CKMT2: variants seen among roughly 807,000 people sequenced by gnomAD.
The protein encoded by CKMT2 is creatine kinase S-type, mitochondrial.
CKMT2 carries 43 observed loss-of-function variants against 48.9 expected under a neutral mutation model. That is an observed-to-expected ratio of 0.88 (90% confidence interval 0.69 to 1.13). CKMT2 has a LOEUF of 1.13. Among genes scored for constraint, CKMT2 ranks in the 50% most tolerant of loss-of-function variants. The pLI is 0.00. For missense variants in CKMT2, 472 were observed against 555.4 expected, an observed-to-expected ratio of 0.85 and a Z score of 1.51; for synonymous variants, 206 against 213.0, an observed-to-expected ratio of 0.97 and a Z score of 0.29.
In CKMT2 at chr5:81,263,620, A is replaced by G. The variant is rs1433974947; in HGVS notation, c.1140+4A>G. 1 of 1,609,264 alleles carries G rather than the reference A, an allele frequency of 6.2e-7. No individual in the cohort carries two copies. Among genetic ancestry groups the G allele is most frequent in the Admixed American group, 1.7e-5 (1 of 59,798 alleles). On this transcript the variant is annotated splice_donor_region_variant and intron_variant, in intron 9 of 9. Coordinates refer to ENST00000254035, the MANE Select transcript of CKMT2 (RefSeq NM_001099735.2). ...AGATAGAATTGGTCGATCAGAGGTA[A>G]CGTCTCTCTCACTTTCCTAACATGA...
intron 1 of CKMT2, among the ~76,000 whole-genome samples, chr5:81,247,756 G>T (rs763800729): frequency 1.4e-4 from 22 of 152,084 alleles, no homozygotes; most frequent in South Asian, 2.1e-4. Context: ...GTGTTCTGGC[G>T]AGACAAAAAC....
At chr5:81,265,439 C>T (rs976741) in intron 9 of CKMT2, among the ~76,000 whole-genome samples, 10,172 of 152,004 alleles carry the variant, frequency 0.067, 413 homozygotes, top group Admixed American at 0.099. Flanking sequence ...TAATGTATGT[C>T]TGGAATTAAC....
intron 8 of CKMT2, among the ~76,000 whole-genome samples, chr5:81,261,790 A>G (rs1757233770): frequency 1.3e-5 from 2 of 152,224 alleles, no homozygotes. Flanking sequence ...TTATAGATTC[A>G]ATGCTATCCC....
intron 9 of CKMT2, 75 bp downstream of exon 9, chr5:81,263,691 T>C (rs779205064): frequency 2.8e-6 from 4 of 1,423,102 alleles, no homozygotes; most frequent in Non-Finnish European, 3.8e-6. Flanking sequence ...GCAAACAGCC[T>C]AGCCGTTTTC....
intron 8 of CKMT2, among the ~76,000 whole-genome samples, chr5:81,259,928 C>G (rs991825963): frequency 2.6e-5 from 4 of 152,220 alleles, no homozygotes; most frequent in Admixed American, 6.5e-5. Context: ...ACATTCTTCT[C>G]AGCATCACAT....
At chr5:81,251,765 A>T (rs910881691) in intron 2 of CKMT2, 1 of 155,870 alleles carries the variant, frequency 6.4e-6, no homozygotes, top group Non-Finnish European at 1.4e-5. Context: ...GTATACAAAG[A>T]AGTGTAGCAT....
At chr5:81,234,905 G>T (rs972138394) in intron 1 of CKMT2, among the ~76,000 whole-genome samples, 1 of 152,148 alleles carries the variant, frequency 6.6e-6, no homozygotes, top group South Asian at 2.1e-4. Context: ...CGTAGAGTCT[G>T]TGTCAAGCAT....
rs558098816 is a variant in CKMT2 at position 81,259,759 on chromosome 5, C to G, written c.1014+505C>G. On this transcript the variant is annotated intron_variant, in intron 8 of 9. Transcript: ENST00000254035. ...TTAGAGACCTACAATGAGACTTAGACTCCCACACAATAACAGTGAGAGACT... is the reference window on the plus strand; with the variant it reads ...TTAGAGACCTACAATGAGACTTAGAGTCCCACACAATAACAGTGAGAGACT... 1.1e-3 allele frequency among the ~76,000 whole-genome samples: 163 copies of G among 152,332 alleles called. 1 individual carries two copies. Among genetic ancestry groups the G allele is most frequent in the East Asian group, 1.7e-3 (9 of 5,184 alleles).
Position 81,255,103 on chromosome 5 carries a change from G to A in CKMT2, c.558G>A (p.Arg186=). The change falls in exon 5 of 10, where the codon AGG becomes AGA. Residue 186 remains arginine, a synonymous_variant. Coordinates refer to ENST00000254035, the MANE Select transcript of CKMT2 (RefSeq NM_001099735.2). ...CAGCCTGCACCCGGGCCGAGCGAAGGGAGGTAGAGAACGTGGCCATCACTG... is the reference window on the plus strand; with the variant it reads ...CAGCCTGCACCCGGGCCGAGCGAAGAGAGGTAGAGAACGTGGCCATCACTG... The part of the protein sequence containing the change: ...LPPACTRAER[R]EVENVAITAL... 2 of 1,614,140 alleles carry A rather than the reference G, an allele frequency of 1.2e-6. No individual in the cohort carries two copies. Among genetic ancestry groups the A allele is most frequent in the South Asian group, 1.1e-5 (1 of 91,084 alleles).
intron 1 of CKMT2, chr5:81,244,755 TC>T (rs1272392029): frequency 6.6e-6 from 1 of 152,200 alleles, no homozygotes; most frequent in East Asian, 1.9e-4. Flanking sequence ...TGAAAGGCTT[TC>T]CTTTATCACA....
At chr5:81,236,593 G>T (rs540037180) in intron 1 of CKMT2, among the ~76,000 whole-genome samples, 14 of 152,314 alleles carry the variant, frequency 9.2e-5, no homozygotes, top group Admixed American at 2.0e-4. Context: ...GACTCAGTCG[G>T]TGTATAGGGT....
At chr5:81,238,745 C>G (rs981656513) in intron 1 of CKMT2, 4 of 152,554 alleles carry the variant, frequency 2.6e-5, no homozygotes, top group Middle Eastern at 6.6e-3. Context: ...CCTTTATCCA[C>G]CAGGCAAGGT....
At chr5:81,233,454 G>A in intron 1 of CKMT2, 77 bp downstream of exon 1, 1 of 944,552 alleles carries the variant, frequency 1.1e-6, no homozygotes. Context: ...GGGCCTTGGA[G>A]GAGTGGATGC....
At position 81,263,564 on chromosome 5, in the gene CKMT2, C is replaced by T. The variant is rs750230374; in HGVS notation, c.1088C>T (p.Ala363Val). The change falls in exon 9 of 10, where the codon GCG becomes GTG. Residue 363 changes from alanine to valine, a missense_variant. Transcript: ENST00000254035. ...GGCACAGGTGGTGTGGACACTGCCGCGGTCGCAGATGTGTACGACATTTCC... is the reference window on the plus strand; with the variant it reads ...GGCACAGGTGGTGTGGACACTGCCGTGGTCGCAGATGTGTACGACATTTCC... The part of the protein sequence containing the change: ...KRGTGGVDTA[A>V]VADVYDISNI... 46 of 1,612,734 alleles carry T rather than the reference C, an allele frequency of 2.9e-5. No homozygotes were observed. The highest frequency in any genetic ancestry group is 4.5e-5 in the East Asian group (2 of 44,854).
chr5:81,242,680 CAAG>C (rs1429832695), intron 1 of CKMT2: 1 of 207,572 alleles, frequency 4.8e-6, no homozygotes, highest in African/African-American at 2.3e-5. Context: ...GGGTGCCAAG[CAAG>C]AAGAATGGGT....
intron 3 of CKMT2, among the ~76,000 whole-genome samples, chr5:81,253,658 G>A (rs570309140): frequency 1.1e-4 from 16 of 152,304 alleles, no homozygotes; most frequent in African/African-American, 3.1e-4. Context: ...GCTCATTTAC[G>A]TACTGCAGTG....
At chr5:81,255,898 ACCAGACAGG>A (rs1756992710) in intron 5 of CKMT2, among the ~76,000 whole-genome samples, 1 of 151,946 alleles carries the variant, frequency 6.6e-6, no homozygotes, top group South Asian at 2.1e-4. Flanking sequence ...TCATTTCCAA[ACCAGACAGG>A]CCAACTATAT....
intron 9 of CKMT2, among the ~76,000 whole-genome samples, chr5:81,265,509 G>A (rs1447070153): frequency 6.6e-6 from 1 of 151,908 alleles, no homozygotes; most frequent in Non-Finnish European, 1.5e-5. Context: ...CTTAGGAGGT[G>A]ATCCCAGGGG....
intron 8 of CKMT2, 152 bp downstream of exon 8, chr5:81,259,406 G>A (rs1016903218): frequency 3.1e-6 from 2 of 636,156 alleles, no homozygotes; most frequent in Non-Finnish European, 4.9e-6. Flanking sequence ...TGCCTCCAAA[G>A]ACATTTGTAT....
Sources: allele counts gnomAD v4.1 joint callset (sites outside exome capture counted in the v4.1 genomes callset), GRCh38; gene constraint gnomAD v4.1.1; transcripts MANE v1.5; gene names NCBI Gene and HGNC (gene_info 2026-07-23, HGNC 2026-07-21).